The following HDAC2 variants were observed in gnomAD, a reference collection of about 807,000 sequenced individuals.
The protein encoded by HDAC2 is histone deacetylase 2, also known as YY1-associated factor 1.
Under a neutral mutation model 68.5 loss-of-function variants are expected in HDAC2, and 5 were observed. That is an observed-to-expected ratio of 0.07 (90% CI 0.04 to 0.15). The LOEUF (loss-of-function observed/expected upper bound fraction) is 0.15. Among genes scored for constraint, HDAC2 ranks in the 10% least tolerant of loss-of-function variants. The probability of loss-of-function intolerance (pLI) is 1.00; values close to 1 mark genes in which losing one functional copy is unlikely to be tolerated. For synonymous variants in HDAC2, 182 were observed against 191.3 expected (o/e 0.95, Z 0.40); for missense variants, 291 against 600.8 (o/e 0.48, Z 5.39).
intron 1 of HDAC2, among the ~76,000 whole-genome samples, chr6:113,964,768 A>C (rs144428540): frequency 5.1e-4 from 78 of 152,324 alleles, no homozygotes; most frequent in African/African-American, 1.7e-3. Flanking sequence ...CTTGAATTCA[A>C]TAAGGATCTC....
At chr6:113,947,992 CACAA>C (rs567125423) in intron 8 of HDAC2, 1 of 152,146 alleles carries the variant, frequency 6.6e-6, no homozygotes, top group African/African-American at 2.4e-5. Context: ...TAAAATCATA[CACAA>C]ACACTCATGA....
rs955421243 is a variant in HDAC2, at chr6:113,936,094, G to C, written c.*4964C>G. On this transcript the variant is annotated 3_prime_UTR_variant, in exon 14 of 14. Transcript: ENST00000519065. ...CAGATACACTCTACTGTGTTTTGCA[G>C]ATGTAAAACTTAGAAATTAGTGTTA... The C allele has an allele frequency of 6.6e-6, 1 of 152,166 alleles. No individual in the cohort carries two copies. Among genetic ancestry groups the C allele is most frequent in the South Asian group, 2.1e-4 (1 of 4,834 alleles). 9.4% of individuals were successfully genotyped at this position (152,166 alleles called of 1,614,324 possible).
At chr6:113,970,467 G>C in intron 1 of HDAC2, 1 of 1,080,026 alleles carries the variant, frequency 9.3e-7, no homozygotes, top group Non-Finnish European at 1.1e-6. Flanking sequence ...GGCCGACGCG[G>C]GGCACCCCAA....
intron 6 of HDAC2, among the ~76,000 whole-genome samples, chr6:113,950,446 T>C (rs573500987): frequency 6.6e-6 from 1 of 151,802 alleles, no homozygotes; most frequent in East Asian, 1.9e-4. Flanking sequence ...AGTGGCATGA[T>C]CTCGGCTCAC....
chr6:113,933,171 G>A lies in HDAC2; in HGVS notation c.*7887C>T, dbSNP rs972884556. 2 of 152,170 alleles carry A rather than the reference G, an allele frequency of 1.3e-5. No individual in the cohort carries two copies. The highest frequency in any genetic ancestry group is 2.4e-5 in the African/African-American group (1 of 41,440). 9.4% of individuals were successfully genotyped at this position (152,170 alleles called of 1,614,324 possible). A position where few individuals can be genotyped will look rare whatever the true frequency, so the allele number is the denominator to read the frequency against. On this transcript the variant is annotated 3_prime_UTR_variant, in exon 14 of 14. Coordinates refer to ENST00000519065, the MANE Select transcript of HDAC2 (RefSeq NM_001527.4). Reference sequence around the variant, plus strand: ...AGTTTGCTTTCAAAATGATGCTCATGTTCTCATTCACTAAGTGATTAAAGT... The same window carrying A: ...AGTTTGCTTTCAAAATGATGCTCATATTCTCATTCACTAAGTGATTAAAGT...
Position 113,953,352 on chromosome 6 carries a change from A to G in HDAC2, c.564T>C (p.Phe188=). The change falls in exon 6 of 14, where the codon TTT becomes TTC. Residue 188 remains phenylalanine (F), a synonymous_variant. Transcript: ENST00000519065. ...IHHGDGVEEA[F]YTTDRVMTVS... is the part of the protein sequence containing the mutation. ...CCGTCATTACACGATCTGTTGTATA[A>G]AAAGCTTCTTCAACACCATCACCAT... 1.3e-6 allele frequency: 2 copies of G among 1,591,754 alleles called. No individual in the cohort carries two copies. The highest frequency in any genetic ancestry group is 8.6e-7 in the Non-Finnish European group (1 of 1,159,894).
chr6:113,965,049 A>T (rs1776779495), intron 1 of HDAC2, among the ~76,000 whole-genome samples: 1 of 152,202 alleles, frequency 6.6e-6, no homozygotes, highest in Admixed American at 6.5e-5. Context: ...TCCAGCCTAT[A>T]TTCCACAACT....
intron 3 of HDAC2, chr6:113,957,234 A>G (rs1167623003): frequency 1.3e-5 from 2 of 153,566 alleles, no homozygotes; most frequent in African/African-American, 4.8e-5. Context: ...GAGCCAAAAC[A>G]TAGGATACTA....
rs1776120572 is a variant in HDAC2 at position 113,941,080 on chromosome 6, G to A, written c.1445C>T (p.Ser482Leu). ...GEKTDTKGTK[S>L]EQLSNP The stretch of plus-strand genomic sequence containing the variant: ...AATTCAGGGGTTGCTGAGCTGTTCT[G>A]ATTTGGTTCTGTTAAAAGAGGCAAT... Residue 482 changes from serine (S) to leucine (L), a missense_variant, in exon 14 of 14, where the codon TCA becomes TTA. Ser to Leu is a moderately radical substitution (Grantham distance 145). This residue lies in a region of HDAC2 where 137 missense variants were observed against 128.7 expected (regional missense o/e 1.06). Transcript: ENST00000519065. The A allele has an allele frequency of 6.2e-7, 1 of 1,609,594 alleles. No individual in the cohort carries two copies. Among genetic ancestry groups the A allele is most frequent in the Non-Finnish European group, 8.5e-7 (1 of 1,177,960 alleles).
Position 113,971,108 on chromosome 6 carries a change from C to A in HDAC2, c.-200G>T. 6.5e-7 allele frequency: 1 copy of A among 1,536,764 alleles called. No homozygotes were observed. The highest frequency in any genetic ancestry group is 8.8e-7 in the Non-Finnish European group (1 of 1,138,074). ...CCACCCGGCAGAGGTGCCGAAAGCTCGGAATCGGAGGTGGCAGCGGCACCA... is the reference window on the plus strand; with the variant it reads ...CCACCCGGCAGAGGTGCCGAAAGCTAGGAATCGGAGGTGGCAGCGGCACCA... On this transcript the variant is annotated 5_prime_UTR_variant, in exon 1 of 14. Coordinates refer to ENST00000519065, the MANE Select transcript of HDAC2 (RefSeq NM_001527.4).
chr6:113,960,143 A>G, intron 1 of HDAC2, 125 bp from the exon 2 acceptor site: 1 of 656,134 alleles, frequency 1.5e-6, no homozygotes. Flanking sequence ...AAACCTTAGC[A>G]ACTTAGATTT....
chr6:113,966,205 A>G (rs1465803218), intron 1 of HDAC2, among the ~76,000 whole-genome samples: 4 of 152,182 alleles, frequency 2.6e-5, no homozygotes, highest in Non-Finnish European at 4.4e-5. Context: ...TGTAGTTCAG[A>G]GTAGTTTCAA....
chr6:113,948,704 T>C (rs899412090), intron 8 of HDAC2: 3 of 344,302 alleles, frequency 8.7e-6, no homozygotes, highest in African/African-American at 6.4e-5. Context: ...GCATGTTTTA[T>C]TTACACTGAG....
intron 1 of HDAC2, among the ~76,000 whole-genome samples, chr6:113,966,917 T>C (rs947411732): frequency 6.6e-6 from 1 of 152,238 alleles, no homozygotes; most frequent in Non-Finnish European, 1.5e-5. Flanking sequence ...ACTGCTGCTA[T>C]AATTAATTTA....
intron 1 of HDAC2, chr6:113,970,634 A>C: frequency 7.4e-7 from 1 of 1,344,158 alleles, no homozygotes. Flanking sequence ...GGCAGGAGAC[A>C]AGACGGGCGG....
intron 6 of HDAC2, among the ~76,000 whole-genome samples, chr6:113,949,782 TG>T (rs1468305912): frequency 1.3e-5 from 2 of 152,092 alleles, no homozygotes; most frequent in Non-Finnish European, 1.5e-5. Flanking sequence ...GCACCAGATT[TG>T]TTCTTTTTTT....
intron 1 of HDAC2, chr6:113,969,617 A>T (rs996491402): frequency 2.0e-5 from 3 of 152,108 alleles, no homozygotes; most frequent in Non-Finnish European, 2.9e-5. Context: ...ACCTACTATA[A>T]ACTATTTACC....
At chr6:113,952,818 C>T (rs1048039960) in intron 6 of HDAC2, among the ~76,000 whole-genome samples, 4 of 151,978 alleles carry the variant, frequency 2.6e-5, no homozygotes, top group Admixed American at 1.3e-4. Context: ...TACCTAAATA[C>T]ATTACCAATT....
intron 1 of HDAC2, among the ~76,000 whole-genome samples, chr6:113,967,126 T>C (rs1049287621): frequency 5.9e-5 from 9 of 152,138 alleles, no homozygotes; most frequent in African/African-American, 9.7e-5. Context: ...AAGGAGTACG[T>C]TGGGAGGTAT....
Sources: allele counts gnomAD v4.1 joint callset (sites outside exome capture counted in the v4.1 genomes callset), GRCh38; gene constraint gnomAD v4.1.1; regional missense constraint gnomAD v4.1.1; transcripts MANE v1.5; gene names NCBI Gene and HGNC (gene_info 2026-07-23, HGNC 2026-07-21).